MAP3K19: variants seen among roughly 807,000 people sequenced by gnomAD.
MAP3K19 encodes the protein mitogen-activated protein kinase kinase kinase 19.
MAP3K19 carries 91 observed loss-of-function variants against 114.4 expected under a neutral mutation model. The ratio of observed to expected loss-of-function variants is 0.80; its 90% confidence interval spans 0.67 to 0.95. The LOEUF (loss-of-function observed/expected upper bound fraction) is 0.95. MAP3K19 is among the 40% of genes least tolerant of loss of function. The pLI, the probability that MAP3K19 is intolerant of heterozygous loss-of-function variation, is 0.00. For synonymous variants in MAP3K19, 518 were observed against 530.5 expected, an observed-to-expected ratio of 0.98 and a Z score of 0.32; for missense variants, 1,471 against 1,573.2, an observed-to-expected ratio of 0.94 and a Z score of 1.10.
At chr2:134,979,735 T>A (rs188380576) in intron 12 of MAP3K19, among the ~76,000 whole-genome samples, 171 of 146,686 alleles carry the variant, frequency 1.2e-3, no homozygotes, top group African/African-American at 4.2e-3. Context: ...GTTCTCTGCA[T>A]CTAGCAATGC....
At chr2:134,991,005 C>A (rs1331614183) in intron 9 of MAP3K19, among the ~76,000 whole-genome samples, 2 of 151,726 alleles carry the variant, frequency 1.3e-5, no homozygotes, top group Admixed American at 1.3e-4. Flanking sequence ...ACCAACGTGG[C>A]CAACATAGCG....
At chr2:135,035,146 C>T (rs910951699) in intron 2 of MAP3K19, among the ~76,000 whole-genome samples, 3 of 151,826 alleles carry the variant, frequency 2.0e-5, no homozygotes, top group African/African-American at 7.2e-5. Flanking sequence ...CCTGTAATCC[C>T]AGCACTTTGG....
At chr2:135,011,536 CAAAA>C (rs61361416) in intron 5 of MAP3K19, among the ~76,000 whole-genome samples, 2 of 79,242 alleles carry the variant, frequency 2.5e-5, no homozygotes, top group African/African-American at 4.3e-5. Context: ...GACTCTGTCT[CAAAA>C]AAAAAAAAAA....
intron 9 of MAP3K19, among the ~76,000 whole-genome samples, chr2:134,990,336 C>T (rs1175022623): frequency 1.3e-5 from 2 of 152,176 alleles, no homozygotes; most frequent in Non-Finnish European, 2.9e-5. Flanking sequence ...ACCAAGCCCT[C>T]CTGTTCCTCC....
chr2:135,008,590 A>G (rs9636212), intron 5 of MAP3K19, among the ~76,000 whole-genome samples: 2,378 of 152,218 alleles, frequency 0.016, 51 homozygotes, highest in African/African-American at 0.053. Context: ...GGAATTATTG[A>G]CCCAAATACT....
At chr2:135,002,642 T>C (rs1051971188) in intron 6 of MAP3K19, among the ~76,000 whole-genome samples, 4 of 151,920 alleles carry the variant, frequency 2.6e-5, no homozygotes, top group African/African-American at 9.7e-5. Flanking sequence ...TATTTCCGGC[T>C]TCCTGCGCTG....
intron 2 of MAP3K19, among the ~76,000 whole-genome samples, chr2:135,034,378 G>GCC (rs2104790733): frequency 8.0e-6 from 1 of 124,932 alleles, no homozygotes; most frequent in African/African-American, 3.8e-5. Context: ...TGGCCAGGCA[G>GCC]AGATGCTCCT....
At chr2:135,018,281 CAAAAAAA>C (rs781510594) in intron 5 of MAP3K19, among the ~76,000 whole-genome samples, 2 of 58,288 alleles carry the variant, frequency 3.4e-5, no homozygotes, top group African/African-American at 5.7e-5. Context: ...GCAACAACAG[CAAAAAAA>C]AAAAAAAAAA....
intron 9 of MAP3K19, 154 bp downstream of exon 9, chr2:134,991,383 A>G (rs148699140): frequency 4.7e-5 from 32 of 687,604 alleles, no homozygotes; most frequent in African/African-American, 4.6e-4. Context: ...ATCAAAGCTT[A>G]TGTGTGGATT....
chr2:134,966,793 G>A (rs1432773273), intron 12 of MAP3K19, among the ~76,000 whole-genome samples: 3 of 152,146 alleles, frequency 2.0e-5, no homozygotes, highest in Non-Finnish European at 2.9e-5. Context: ...TGCCAGCCTC[G>A]AGGACGGAGT....
At chr2:135,023,631 C>T (rs1211650872) in intron 4 of MAP3K19, 1 of 479,754 alleles carries the variant, frequency 2.1e-6, no homozygotes, top group Non-Finnish European at 4.3e-6. Flanking sequence ...CCGCTGTCAA[C>T]ATCACATCTC....
In MAP3K19 at chr2:134,987,571, A is replaced by G; in HGVS notation, c.1301T>C (p.Leu434Ser). Residue 434 changes from leucine (L) to serine (S), a missense_variant, in exon 10 of 13, where the codon TTA becomes TCA. Coordinates refer to ENST00000392915, the MANE Select transcript of MAP3K19 (RefSeq NM_025052.5). ...GCTTTTAAGTACAGTACACTCTTCT[A>G]AAATATTGTTTGGTTCCATTGCTTC... ...KNEAMEPNNI[L>S]EECTVLKSLS... is the part of the protein sequence containing the mutation. 6.2e-7 allele frequency: 1 copy of G among 1,614,152 alleles called. No homozygotes were observed. The highest frequency in any genetic ancestry group is 8.5e-7 in the Non-Finnish European group (1 of 1,180,008).
chr2:134,982,005 C>A (rs1187262660), intron 11 of MAP3K19, among the ~76,000 whole-genome samples: 1 of 150,880 alleles, frequency 6.6e-6, no homozygotes, highest in African/African-American at 2.4e-5. Context: ...AATCCTCCTA[C>A]CTCAGCCTCC....
At chr2:135,044,817 A>G (rs1366810770) in intron 1 of MAP3K19, among the ~76,000 whole-genome samples, 3 of 152,176 alleles carry the variant, frequency 2.0e-5, no homozygotes, top group Non-Finnish European at 4.4e-5. Context: ...AATGTGCCTG[A>G]GAGGTATCCT....
rs751320812 is a variant in MAP3K19, at chr2:134,985,865, C to T, written c.3007G>A (p.Val1003Ile). 6.8e-6 allele frequency: 11 copies of T among 1,613,698 alleles called. No individual in the cohort carries two copies. Among genetic ancestry groups the T allele is most frequent in the African/African-American group, 1.3e-5 (1 of 74,886 alleles). Residue 1003 changes from valine to isoleucine, a missense_variant, in exon 10 of 13, where the codon GTC (valine) becomes ATC (isoleucine). By Grantham distance (29) the Val-to-Ile change is conservative. Coordinates refer to ENST00000392915, the MANE Select transcript of MAP3K19 (RefSeq NM_025052.5). Reference sequence around the variant, plus strand: ...GGGGTACTTCCTCTCCATCTGAGGACAAGATTTAGGTTTTCAGGATCTGTT... The same window carrying T: ...GGGGTACTTCCTCTCCATCTGAGGATAAGATTTAGGTTTTCAGGATCTGTT... ...NETDPENLNLVLRWRGSTPKE... is the reference protein window; with the variant it reads ...NETDPENLNLILRWRGSTPKE...
intron 3 of MAP3K19, among the ~76,000 whole-genome samples, chr2:135,029,647 C>G (rs1332299574): frequency 6.6e-6 from 1 of 152,162 alleles, no homozygotes; most frequent in Non-Finnish European, 1.5e-5. Flanking sequence ...GAAACTGTTT[C>G]CTAGCAGCAA....
At chr2:135,020,346 G>A (rs1312238261) in intron 5 of MAP3K19, among the ~76,000 whole-genome samples, 1 of 152,026 alleles carries the variant, frequency 6.6e-6, no homozygotes, top group Non-Finnish European at 1.5e-5. Context: ...TTGAGACAGG[G>A]TCTTGCTCTG....
chr2:135,032,493 C>G (rs376768138), intron 2 of MAP3K19, among the ~76,000 whole-genome samples: 28 of 151,690 alleles, frequency 1.8e-4, no homozygotes, highest in African/African-American at 5.6e-4. Flanking sequence ...TATACTCACA[C>G]CAAAATGTTT....
At chr2:134,968,574 G>A (rs369789086) in intron 12 of MAP3K19, among the ~76,000 whole-genome samples, 5 of 149,052 alleles carry the variant, frequency 3.4e-5, no homozygotes, top group South Asian at 2.1e-4. Flanking sequence ...CCGGGCGGAG[G>A]GGCTCCTCAC....
Sources: allele counts gnomAD v4.1 joint callset (sites outside exome capture counted in the v4.1 genomes callset), GRCh38; gene constraint gnomAD v4.1.1; transcripts MANE v1.5; gene names NCBI Gene and HGNC (gene_info 2026-07-23, HGNC 2026-07-21).